CAB39L: variants seen among roughly 807,000 people sequenced by gnomAD.
CAB39L encodes the protein calcium binding protein 39 like.
Under a neutral mutation model 39.1 loss-of-function variants are expected in CAB39L, and 23 were observed. The ratio of observed to expected loss-of-function variants is 0.59; its 90% CI spans 0.42 to 0.83. CAB39L has a LOEUF of 0.83. CAB39L is among the 40% of genes least tolerant of loss of function. The pLI is 0.00. For synonymous variants in CAB39L, 126 were observed against 137.2 expected (o/e 0.92, Z 0.57); for missense variants, 366 against 391.9 (o/e 0.93, Z 0.56).
chr13:49,371,250 C>T (rs975523442), intron 5 of CAB39L, among the ~76,000 whole-genome samples: 2 of 139,894 alleles, frequency 1.4e-5, no homozygotes, highest in Non-Finnish European at 3.0e-5. Flanking sequence ...TGCAATGGTG[C>T]GATCTTGGCT....
rs1491055632 is a variant in CAB39L at position 49,442,797 on chromosome 13, A to AAAAAC, written c.-246+1188_-246+1189insGTTTT. 5.7e-3 allele frequency among the ~76,000 whole-genome samples: 701 copies of AAAAAC among 122,324 alleles called. 18 individuals are homozygous for AAAAAC. Among genetic ancestry groups the AAAAAC allele is most frequent in the African/African-American group, 0.022 (669 of 30,080 alleles). The allele number at this position is 122,324 out of a possible 152,430, so 80.2% of individuals were successfully genotyped here. A position where few individuals can be genotyped will look rare whatever the true frequency, so the allele number is the denominator to read the frequency against. ...CAAGAGACTCCATCTCAAAAAAAAA[A>AAAAAC]AAAAAAAAAAAAAAAAAAAAAACAT... On this transcript the variant is annotated intron_variant, in intron 1 of 10. Coordinates refer to ENST00000409308, the MANE Select transcript of CAB39L (RefSeq NM_001079670.3).
intron 9 of CAB39L, 42 bp from the exon 10 acceptor site, chr13:49,332,132 C>A: frequency 1.3e-6 from 2 of 1,595,976 alleles, no homozygotes; most frequent in Non-Finnish European, 1.7e-6. Context: ...CTCAGAGCCA[C>A]CTGATTCAAA....
At chr13:49,339,276 G>A (rs1413426876) in intron 9 of CAB39L, among the ~76,000 whole-genome samples, 1 of 151,808 alleles carries the variant, frequency 6.6e-6, no homozygotes. Flanking sequence ...GATTACAGGA[G>A]CCCACCACCA....
At chr13:49,363,733 G>C (rs1251061807) in intron 5 of CAB39L, among the ~76,000 whole-genome samples, 1 of 151,632 alleles carries the variant, frequency 6.6e-6, no homozygotes, top group Non-Finnish European at 1.5e-5. Context: ...TGAGGTGTAA[G>C]GATCACCTGA....
intron 10 of CAB39L, among the ~76,000 whole-genome samples, chr13:49,317,224 C>T (rs1365261193): frequency 4.6e-5 from 7 of 152,120 alleles, no homozygotes; most frequent in Admixed American, 3.9e-4. Flanking sequence ...AACACCTTTT[C>T]ATGATAAAAA....
At chr13:49,371,889 G>A (rs1390665539) in intron 5 of CAB39L, among the ~76,000 whole-genome samples, 1 of 152,064 alleles carries the variant, frequency 6.6e-6, no homozygotes, top group East Asian at 1.9e-4. Flanking sequence ...ACTGCACTGG[G>A]CCTGTTTTGC....
chr13:49,379,987 AC>A (rs34677790), intron 4 of CAB39L, among the ~76,000 whole-genome samples: 27,700 of 151,684 alleles, frequency 0.18, 2,676 homozygotes, highest in Middle Eastern at 0.24. Flanking sequence ...GACTACAAGC[AC>A]CCGCCACCAC....
intron 10 of CAB39L, among the ~76,000 whole-genome samples, chr13:49,323,572 A>AG (rs1954416635): frequency 6.6e-6 from 1 of 152,234 alleles, no homozygotes; most frequent in African/African-American, 2.4e-5. Flanking sequence ...AGGACTTCCC[A>AG]GGGGAAGCCG....
intron 5 of CAB39L, among the ~76,000 whole-genome samples, chr13:49,372,992 A>T (rs548915511): frequency 6.6e-6 from 1 of 152,208 alleles, no homozygotes; most frequent in Non-Finnish European, 1.5e-5. Flanking sequence ...TTATTAGTAC[A>T]AAGTTCCTTT....
At chr13:49,366,914 G>A (rs148219303) in intron 5 of CAB39L, among the ~76,000 whole-genome samples, 1 of 152,206 alleles carries the variant, frequency 6.6e-6, no homozygotes, top group East Asian at 1.9e-4. Flanking sequence ...TACTCGGGAA[G>A]CTGAGACACA....
intron 6 of CAB39L, among the ~76,000 whole-genome samples, chr13:49,354,218 C>G (rs1955430542): frequency 6.6e-6 from 1 of 152,192 alleles, no homozygotes. Context: ...TCCTCTGGGT[C>G]AGCACACTTG....
intron 3 of CAB39L, among the ~76,000 whole-genome samples, chr13:49,404,996 TC>T (rs757281241): frequency 6.6e-6 from 1 of 152,020 alleles, no homozygotes; most frequent in African/African-American, 2.4e-5. Context: ...GAGAGAGAGA[TC>T]GGGGTAGAGA....
At chr13:49,342,090 T>G (rs1309104443) in intron 8 of CAB39L, among the ~76,000 whole-genome samples, 1 of 152,206 alleles carries the variant, frequency 6.6e-6, no homozygotes, top group Non-Finnish European at 1.5e-5. Flanking sequence ...GATTTGAATG[T>G]GTGAAGATAT....
chr13:49,399,760 T>C (rs945536073), intron 3 of CAB39L, among the ~76,000 whole-genome samples: 1 of 152,076 alleles, frequency 6.6e-6, no homozygotes, highest in Non-Finnish European at 1.5e-5. Flanking sequence ...AAATAAAAAA[T>C]TATTCTGAAG....
At chr13:49,402,788 T>C (rs1162424187) in intron 3 of CAB39L, among the ~76,000 whole-genome samples, 2 of 152,166 alleles carry the variant, frequency 1.3e-5, no homozygotes, top group African/African-American at 4.8e-5. Context: ...TATACAGTTA[T>C]TTGGTTATTT....
intron 10 of CAB39L, among the ~76,000 whole-genome samples, chr13:49,321,691 G>A (rs1056302435): frequency 1.3e-5 from 2 of 152,246 alleles, no homozygotes; most frequent in East Asian, 1.9e-4. Context: ...GTAGGGGCAA[G>A]GAGGGGAAAA....
At chr13:49,320,966 G>C (rs192253614) in intron 10 of CAB39L, among the ~76,000 whole-genome samples, 222 of 152,266 alleles carry the variant, frequency 1.5e-3, no homozygotes, top group East Asian at 8.1e-3. Context: ...AAAGCCCCAG[G>C]AAGGAAGTGA....
chr13:49,376,479 C>G (rs1304300074), intron 5 of CAB39L, among the ~76,000 whole-genome samples: 2 of 152,190 alleles, frequency 1.3e-5, no homozygotes, highest in Non-Finnish European at 2.9e-5. Context: ...AAGTATATTA[C>G]TAGCACTTAA....
intron 5 of CAB39L, among the ~76,000 whole-genome samples, chr13:49,371,226 T>C (rs925575207): frequency 6.6e-6 from 1 of 150,914 alleles, no homozygotes; most frequent in Non-Finnish European, 1.5e-5. Context: ...TCACTCTTAT[T>C]GCCCAGGCAG....
Sources: gnomAD v4.1 joint callset for allele counts (sites outside exome capture counted in the v4.1 genomes callset) on GRCh38, gnomAD v4.1.1 for gene constraint, MANE v1.5 for transcripts, NCBI Gene and HGNC (gene_info 2026-07-23, HGNC 2026-07-21) for gene names.